FMN1: variants seen among roughly 807,000 people sequenced by gnomAD.
FMN1 encodes formin 1, also known as formin-1.
FMN1 carries 110 observed loss-of-function variants against 132.4 expected under a neutral mutation model. The observed-to-expected ratio is 0.83, with a 90% CI of 0.71 to 0.97. The LOEUF is 0.97. FMN1 is among the 50% of genes least tolerant of loss of function. The pLI is 0.00. For missense variants in FMN1, 1,792 were observed against 1,705.3 expected, an observed-to-expected ratio of 1.05 and a Z score of -0.90; for synonymous variants, 722 against 651.7, an observed-to-expected ratio of 1.11 and a Z score of -1.64.
At chr15:33,002,203 C>T (rs2034157372) in intron 7 of FMN1, among the ~76,000 whole-genome samples, 1 of 152,150 alleles carries the variant, frequency 6.6e-6, no homozygotes, top group Non-Finnish European at 1.5e-5. Context: ...ACTTTAAAAG[C>T]ATGAAACCCT....
chr15:33,134,928 G>C (rs960070159), intron 4 of FMN1, among the ~76,000 whole-genome samples: 3 of 152,252 alleles, frequency 2.0e-5, no homozygotes, highest in African/African-American at 7.2e-5. Flanking sequence ...CTTGAACCTG[G>C]AAGGTGGAGG....
At chr15:32,951,200 A>T (rs1197604014) in intron 9 of FMN1, among the ~76,000 whole-genome samples, 1 of 152,236 alleles carries the variant, frequency 6.6e-6, no homozygotes, top group Non-Finnish European at 1.5e-5. Context: ...CCAAAGATTT[A>T]AAAAGGTGAT....
At chr15:32,905,842 G>C (rs144006736) in intron 12 of FMN1, among the ~76,000 whole-genome samples, 93 of 152,198 alleles carry the variant, frequency 6.1e-4, no homozygotes, top group African/African-American at 2.1e-3. Context: ...ACAAATGCTG[G>C]TTTGTGCAGG....
At chr15:33,077,941 C>T (rs546197279) in intron 5 of FMN1, among the ~76,000 whole-genome samples, 84 of 152,066 alleles carry the variant, frequency 5.5e-4, no homozygotes, top group Non-Finnish European at 1.1e-3. Context: ...CAATGAGATA[C>T]CATCTCACAC....
chr15:33,131,019 A>G (rs765580905), intron 4 of FMN1, among the ~76,000 whole-genome samples: 1 of 152,148 alleles, frequency 6.6e-6, no homozygotes, highest in Non-Finnish European at 1.5e-5. Context: ...TCTATGAAAG[A>G]GCACTGTAAA....
chr15:32,965,012 C>T (rs1306897844), intron 8 of FMN1, among the ~76,000 whole-genome samples: 6 of 152,186 alleles, frequency 3.9e-5, no homozygotes, highest in Admixed American at 6.5e-5. Flanking sequence ...GAACAGCCTC[C>T]GTGAGCTGAC....
chr15:33,075,763 C>T (rs561017288), intron 5 of FMN1, among the ~76,000 whole-genome samples: 13 of 152,300 alleles, frequency 8.5e-5, no homozygotes, highest in Admixed American at 7.2e-4. Flanking sequence ...TTAGCACTGA[C>T]ATTTTCCCTT....
At chr15:32,927,281 G>C (rs1428648376) in intron 9 of FMN1, among the ~76,000 whole-genome samples, 5 of 152,056 alleles carry the variant, frequency 3.3e-5, no homozygotes, top group African/African-American at 9.7e-5. Flanking sequence ...TTTTGAGATA[G>C]TATCCAGCGC....
Position 32,776,913 on chromosome 15 carries a change from T to C in FMN1, c.4137A>G (p.Lys1379=). ...ESKNISKERL[K]MAQESVSKLT... ...ACTTGCTGACTGATTCCTGAGCCAT[T>C]TTCAATCTGAAATAGAAATAGGGAA... The change falls in exon 20 of 21, where the codon AAA becomes AAG. Residue 1379 remains lysine, a synonymous_variant. Transcript: ENST00000616417. The C allele has an allele frequency of 6.3e-7, 1 of 1,580,290 alleles. No individual in the cohort carries two copies. The highest frequency in any genetic ancestry group is 8.6e-7 in the Non-Finnish European group (1 of 1,157,926).
chr15:32,802,551 T>G (rs1244557109), intron 18 of FMN1, among the ~76,000 whole-genome samples: 1 of 152,188 alleles, frequency 6.6e-6, no homozygotes, highest in Non-Finnish European at 1.5e-5. Flanking sequence ...ATATTTCATG[T>G]ATGACATGAA....
intron 15 of FMN1, among the ~76,000 whole-genome samples, chr15:32,891,131 G>A (rs1445786597): frequency 1.3e-5 from 2 of 152,168 alleles, no homozygotes; most frequent in African/African-American, 2.4e-5. Context: ...CGTTGTTTTG[G>A]TGACTGACTA....
intron 19 of FMN1, among the ~76,000 whole-genome samples, chr15:32,781,580 C>G (rs2056665709): frequency 1.3e-5 from 2 of 152,202 alleles, no homozygotes; most frequent in African/African-American, 4.8e-5. Flanking sequence ...AGGCTGTAGT[C>G]TGCCAATTCC....
rs561794996 is a variant in FMN1, at chr15:33,133,158, G to C, written c.1867+19890C>G. On this transcript the variant is annotated intron_variant, in intron 4 of 20. Transcript: ENST00000616417. ...CTCAACAGTTAACTCACAAGGAAGAGGGGATTATGCAACTGAGTTCATGGG... is the reference window on the plus strand; with the variant it reads ...CTCAACAGTTAACTCACAAGGAAGACGGGATTATGCAACTGAGTTCATGGG... 7.2e-5 allele frequency among the ~76,000 whole-genome samples: 11 copies of C among 152,314 alleles called. No homozygotes were observed. The South Asian group carries it at 1.2e-3, about 17-fold the overall frequency.
chr15:32,858,906 A>G (rs4779592), intron 16 of FMN1, among the ~76,000 whole-genome samples: 37,998 of 152,084 alleles, frequency 0.25, 5,104 homozygotes, highest in East Asian at 0.4. Context: ...TGGTAAGTAT[A>G]TCCTTCCCAC....
chr15:33,082,652 G>A (rs1566900153), intron 5 of FMN1, among the ~76,000 whole-genome samples: 1 of 152,042 alleles, frequency 6.6e-6, no homozygotes, highest in Non-Finnish European at 1.5e-5. Context: ...AGTGCCCTAG[G>A]ACCTGAGATG....
At chr15:32,848,070 C>T (rs948922260) in intron 17 of FMN1, among the ~76,000 whole-genome samples, 3 of 151,904 alleles carry the variant, frequency 2.0e-5, no homozygotes, top group Non-Finnish European at 4.4e-5. Flanking sequence ...ATTGAAGCAC[C>T]TGTGTAATGA....
chr15:33,012,950 A>G (rs1458378989), intron 6 of FMN1: 8 of 480,892 alleles, frequency 1.7e-5, no homozygotes, highest in Non-Finnish European at 2.0e-5. Context: ...ATGAAGGGAA[A>G]AAACTTTGGA....
chr15:32,940,893 G>A (rs886557242), intron 9 of FMN1, among the ~76,000 whole-genome samples: 20 of 152,046 alleles, frequency 1.3e-4, no homozygotes, highest in Admixed American at 6.6e-5. Context: ...AAAACCATGA[G>A]GTCAGTTTAT....
chr15:33,092,557 G>C (rs1191358484), intron 4 of FMN1, among the ~76,000 whole-genome samples: 1 of 152,096 alleles, frequency 6.6e-6, no homozygotes, highest in African/African-American at 2.4e-5. Flanking sequence ...AGACGAACAT[G>C]GTCCTCGGGA....
Sources: allele counts gnomAD v4.1 joint callset (sites outside exome capture counted in the v4.1 genomes callset), GRCh38; gene constraint gnomAD v4.1.1; transcripts MANE v1.5; gene names NCBI Gene and HGNC (gene_info 2026-07-23, HGNC 2026-07-21).